SKAP2: variants seen among roughly 807,000 people sequenced by gnomAD.
The protein encoded by SKAP2 is src kinase associated phosphoprotein 2.
In SKAP2, 28 loss-of-function variants were observed where a neutral mutation model predicts 54.9. The observed-to-expected ratio is 0.51, with a 90% CI of 0.38 to 0.70. The LOEUF (loss-of-function observed/expected upper bound fraction) is 0.70, where lower values mean the gene tolerates loss of function less well. Among genes scored for constraint, SKAP2 ranks in the 30% least tolerant of loss-of-function variants. SKAP2 has a pLI of 0.00. For synonymous variants in SKAP2, 137 were observed against 134.3 expected, an observed-to-expected ratio of 1.02 and a Z score of -0.14; for missense variants, 356 against 424.1, an observed-to-expected ratio of 0.84 and a Z score of 1.41.
intron 9 of SKAP2, among the ~76,000 whole-genome samples, chr7:26,704,695 A>G (rs1787119592): frequency 6.6e-6 from 1 of 152,210 alleles, no homozygotes; most frequent in South Asian, 2.1e-4. Flanking sequence ...AGGGGCTGCC[A>G]AAAGAAGCAA....
chr7:26,822,831 C>T (rs1362963843), intron 4 of SKAP2, among the ~76,000 whole-genome samples: 5 of 150,486 alleles, frequency 3.3e-5, no homozygotes, highest in South Asian at 2.1e-4. Flanking sequence ...TGCAGTGAGC[C>T]GAGAATGCAC....
At chr7:26,766,420 G>C (rs1783057079) in intron 4 of SKAP2, among the ~76,000 whole-genome samples, 1 of 152,308 alleles carries the variant, frequency 6.6e-6, no homozygotes, top group South Asian at 2.1e-4. Flanking sequence ...TCTACAAACA[G>C]AGACAATTTT....
At chr7:26,849,608 C>G (rs887310399) in intron 3 of SKAP2, among the ~76,000 whole-genome samples, 1 of 151,012 alleles carries the variant, frequency 6.6e-6, no homozygotes, top group Admixed American at 6.6e-5. Context: ...TCGCTTGAAC[C>G]CAGGAGGTAG....
chr7:26,735,856 T>C (rs1273205994), intron 6 of SKAP2, among the ~76,000 whole-genome samples: 1 of 152,170 alleles, frequency 6.6e-6, no homozygotes, highest in Non-Finnish European at 1.5e-5. Context: ...AATTAAAAAC[T>C]GTCTAAAGAC....
At chr7:26,810,789 C>T (rs1784126370) in intron 4 of SKAP2, among the ~76,000 whole-genome samples, 2 of 152,276 alleles carry the variant, frequency 1.3e-5, no homozygotes, top group South Asian at 4.1e-4. Context: ...TCAAGCGATT[C>T]TCCTGCCTCA....
intron 4 of SKAP2, among the ~76,000 whole-genome samples, chr7:26,756,600 T>C (rs1287160963): frequency 1.3e-5 from 2 of 152,224 alleles, no homozygotes; most frequent in Non-Finnish European, 1.5e-5. Context: ...TTGCATTGGT[T>C]CCAAGTCTTT....
At chr7:26,689,113 G>C (rs1304805942) in intron 10 of SKAP2, among the ~76,000 whole-genome samples, 1 of 152,104 alleles carries the variant, frequency 6.6e-6, no homozygotes, top group Non-Finnish European at 1.5e-5. Flanking sequence ...TCAGGCCTCT[G>C]TTTCCTTTCC....
intron 4 of SKAP2, among the ~76,000 whole-genome samples, chr7:26,766,274 T>C (rs1053235682): frequency 6.6e-6 from 1 of 152,214 alleles, no homozygotes; most frequent in Non-Finnish European, 1.5e-5. Context: ...TCTCTGTTTG[T>C]CTATTATTGG....
chr7:26,857,498 G>C (rs420097), intron 1 of SKAP2: 1 of 985,144 alleles, frequency 1.0e-6, no homozygotes, highest in African/African-American at 1.7e-5. Context: ...AGGCACAGGA[G>C]ACTCCTAGAC....
chr7:26,722,628 C>T (rs909104935), intron 9 of SKAP2, among the ~76,000 whole-genome samples: 6 of 151,794 alleles, frequency 4.0e-5, no homozygotes, highest in Non-Finnish European at 7.4e-5. Context: ...AGGCTCGCTT[C>T]GAACTCCTGA....
intron 1 of SKAP2, among the ~76,000 whole-genome samples, chr7:26,861,013 C>A (rs1013494207): frequency 6.6e-6 from 1 of 151,804 alleles, no homozygotes; most frequent in Admixed American, 6.6e-5. Context: ...CTATTTTCTT[C>A]TTTTAACAAT....
At chr7:26,794,184 G>A (rs1322930292) in intron 4 of SKAP2, among the ~76,000 whole-genome samples, 2 of 152,064 alleles carry the variant, frequency 1.3e-5, no homozygotes, top group East Asian at 1.9e-4. Context: ...AGTAACATTC[G>A]AATTTTCATT....
intron 10 of SKAP2, among the ~76,000 whole-genome samples, chr7:26,686,150 GA>G (rs1786635597): frequency 6.6e-6 from 1 of 151,926 alleles, no homozygotes; most frequent in African/African-American, 2.4e-5. Context: ...TTTAATATAA[GA>G]AATATTTTAA....
At chr7:26,844,689 C>T (rs1375869963) in intron 3 of SKAP2, among the ~76,000 whole-genome samples, 1 of 152,066 alleles carries the variant, frequency 6.6e-6, no homozygotes, top group Admixed American at 6.6e-5. Flanking sequence ...TAATCTGTTG[C>T]ATTTTCCAGA....
At chr7:26,852,151 T>G (rs911023817) in intron 3 of SKAP2, among the ~76,000 whole-genome samples, 3 of 151,968 alleles carry the variant, frequency 2.0e-5, no homozygotes, top group Non-Finnish European at 4.4e-5. Flanking sequence ...TGGATAAAGA[T>G]AATCCAAAAC....
At chr7:26,846,747 A>C (rs565905539) in intron 3 of SKAP2, among the ~76,000 whole-genome samples, 1 of 152,154 alleles carries the variant, frequency 6.6e-6, no homozygotes, top group East Asian at 1.9e-4. Context: ...GTGGGAGGCC[A>C]AGGCAGGTGG....
intron 4 of SKAP2, among the ~76,000 whole-genome samples, chr7:26,768,281 C>CTT (rs150416174): frequency 0.026 from 3,585 of 140,062 alleles, 154 homozygotes; most frequent in African/African-American, 0.09. Flanking sequence ...GCAACCCCTG[C>CTT]TTTTTTTTTT....
chr7:26,683,497 G>A (rs1786554347), intron 11 of SKAP2, among the ~76,000 whole-genome samples: 2 of 150,662 alleles, frequency 1.3e-5, no homozygotes, highest in Non-Finnish European at 2.9e-5. Flanking sequence ...TTGTCAGAGT[G>A]GGTCCTGGCA....
downstream of SKAP2, among the ~76,000 whole-genome samples, chr7:26,663,892 G>A (rs548112368): frequency 3.2e-4 from 48 of 152,148 alleles, no homozygotes; most frequent in Non-Finnish European, 1.5e-4. Flanking sequence ...TAAAAGTTTC[G>A]TCTCCATTGC....
Sources: allele counts gnomAD v4.1 joint callset (sites outside exome capture counted in the v4.1 genomes callset), GRCh38; gene constraint gnomAD v4.1.1; transcripts MANE v1.5; gene names NCBI Gene and HGNC (gene_info 2026-07-23, HGNC 2026-07-21).